The following MAST4 variants were observed in gnomAD, a reference collection of about 807,000 sequenced individuals.
MAST4 encodes the protein microtubule associated serine/threonine kinase family member 4, also known as microtubule-associated serine/threonine-protein kinase 4.
In MAST4, 89 loss-of-function variants were observed where a neutral mutation model predicts 162.7. The ratio of observed to expected loss-of-function variants is 0.55; its 90% CI spans 0.46 to 0.65. The LOEUF is 0.65. MAST4 is among the 30% of genes least tolerant of loss of function. The probability of loss-of-function intolerance (pLI) is 0.00; values close to 1 mark genes in which losing one functional copy is unlikely to be tolerated. For synonymous variants in MAST4, 1,479 were observed against 1,361.1 expected, an observed-to-expected ratio of 1.09 and a Z score of -1.91; for missense variants, 3,153 against 3,374.0, an observed-to-expected ratio of 0.93 and a Z score of 1.62.
chr5:66,961,108 C>G (rs1489237497), intron 4 of MAST4, among the ~76,000 whole-genome samples: 1 of 152,090 alleles, frequency 6.6e-6, no homozygotes, highest in Admixed American at 6.6e-5. Flanking sequence ...TTTTGTTTAC[C>G]TTGAAATGCA....
intron 4 of MAST4, among the ~76,000 whole-genome samples, chr5:66,960,448 T>G (rs1350598739): frequency 1.3e-5 from 2 of 152,138 alleles, no homozygotes; most frequent in African/African-American, 4.8e-5. Flanking sequence ...CGAATAGTAT[T>G]TACCCATTGC....
intron 2 of MAST4, among the ~76,000 whole-genome samples, chr5:66,769,057 G>A (rs1409264812): frequency 6.6e-6 from 1 of 152,108 alleles, no homozygotes; most frequent in Admixed American, 6.6e-5. Flanking sequence ...TATAAATGTA[G>A]TAGGATTTCT....
intron 1 of MAST4, among the ~76,000 whole-genome samples, chr5:66,709,746 ATAT>A (rs1404718628): frequency 3.3e-5 from 5 of 152,192 alleles, no homozygotes; most frequent in Admixed American, 2.0e-4. Flanking sequence ...TTTTGGTCAA[ATAT>A]TATAAAAAAT....
intron 1 of MAST4, among the ~76,000 whole-genome samples, chr5:66,630,710 A>C (rs972355777): frequency 4.6e-5 from 7 of 152,196 alleles, no homozygotes; most frequent in Non-Finnish European, 1.0e-4. Context: ...CTCTTTGAGA[A>C]AACATTATTT....
intron 1 of MAST4, among the ~76,000 whole-genome samples, chr5:66,733,180 A>G (rs530449476): frequency 1.1e-4 from 16 of 152,202 alleles, no homozygotes; most frequent in Non-Finnish European, 8.8e-5. Context: ...CATTACATGT[A>G]AGACTTTTCA....
At chr5:66,794,775 T>C (rs1216706318) in intron 3 of MAST4, among the ~76,000 whole-genome samples, 1 of 152,240 alleles carries the variant, frequency 6.6e-6, no homozygotes, top group African/African-American at 2.4e-5. Context: ...TATGTTTCTT[T>C]AGTGGCTGTC....
intron 3 of MAST4, among the ~76,000 whole-genome samples, chr5:66,846,805 AG>A (rs1298926279): frequency 1.3e-5 from 2 of 152,208 alleles, no homozygotes; most frequent in South Asian, 2.1e-4. Context: ...AAGACATCTA[AG>A]GGGCTCATGG....
intron 4 of MAST4, among the ~76,000 whole-genome samples, chr5:66,946,424 A>G (rs1363133922): frequency 2.6e-5 from 4 of 151,986 alleles, no homozygotes; most frequent in African/African-American, 9.7e-5. Context: ...GTTTCTTTTC[A>G]TTTACCGCCT....
chr5:67,056,862 A>AT (rs112396470), intron 5 of MAST4, among the ~76,000 whole-genome samples: 10,886 of 147,092 alleles, frequency 0.074, 903 homozygotes, highest in African/African-American at 0.2. Flanking sequence ...TGCCCAGCTA[A>AT]TTTTTTTTTT....
chr5:66,634,434 A>G (rs1580056797), intron 1 of MAST4, among the ~76,000 whole-genome samples: 1 of 152,198 alleles, frequency 6.6e-6, no homozygotes, highest in South Asian at 2.1e-4. Flanking sequence ...CCATGACCAC[A>G]CAGCCACAAG....
At chr5:66,760,077 C>CTATTTATTTATTTATT (rs1554049949) in intron 2 of MAST4, among the ~76,000 whole-genome samples, 1 of 147,174 alleles carries the variant, frequency 6.8e-6, no homozygotes, top group East Asian at 2.0e-4. Context: ...ACAATATCCC[C>CTATTTATTTATTTATT]TATTTATTTA....
chr5:66,795,833 A>G (rs1755620042), intron 3 of MAST4, among the ~76,000 whole-genome samples: 1 of 152,180 alleles, frequency 6.6e-6, no homozygotes, highest in Non-Finnish European at 1.5e-5. Flanking sequence ...ATTATTCCAC[A>G]GCTCAGAATT....
intron 4 of MAST4, among the ~76,000 whole-genome samples, chr5:67,035,642 G>T (rs152635): frequency 6.6e-6 from 1 of 151,794 alleles, no homozygotes; most frequent in African/African-American, 2.4e-5. Flanking sequence ...CCTTGATGCC[G>T]GTGGTGGGCA....
At chr5:67,080,079 G>A (rs1316476463) in intron 5 of MAST4, among the ~76,000 whole-genome samples, 1 of 152,202 alleles carries the variant, frequency 6.6e-6, no homozygotes, top group African/African-American at 2.4e-5. Context: ...AGTATTCTCA[G>A]AATACGAAGC....
At chr5:67,032,264 G>T (rs775363054) in intron 4 of MAST4, among the ~76,000 whole-genome samples, 4 of 152,168 alleles carry the variant, frequency 2.6e-5, no homozygotes, top group Non-Finnish European at 5.9e-5. Flanking sequence ...ATCTTTAGGA[G>T]AAACTGTAAA....
At chr5:66,820,704 T>C (rs774096542) in intron 3 of MAST4, among the ~76,000 whole-genome samples, 2 of 152,246 alleles carry the variant, frequency 1.3e-5, no homozygotes, top group Admixed American at 1.3e-4. Context: ...TTAGGGCATT[T>C]ATGAGGATAG....
intron 3 of MAST4, among the ~76,000 whole-genome samples, chr5:66,799,093 A>C (rs74588880): frequency 0.049 from 7,443 of 152,216 alleles, 269 homozygotes; most frequent in South Asian, 0.13. Flanking sequence ...GAGGTTTCTC[A>C]TCTTTATGTG....
chr5:66,974,711 C>A (rs1362110779), intron 4 of MAST4, among the ~76,000 whole-genome samples: 3 of 152,126 alleles, frequency 2.0e-5, no homozygotes, highest in Non-Finnish European at 4.4e-5. Context: ...CTAATGCTGG[C>A]CACTAAAAAT....
chr5:66,947,372 C>T (rs1356814748), intron 4 of MAST4, among the ~76,000 whole-genome samples: 1 of 152,106 alleles, frequency 6.6e-6, no homozygotes, highest in Admixed American at 6.5e-5. Context: ...CATCTCCCTA[C>T]AAAGAAAAAT....
Sources: allele counts gnomAD v4.1 joint callset (sites outside exome capture counted in the v4.1 genomes callset), GRCh38; gene constraint gnomAD v4.1.1; transcripts MANE v1.5; gene names NCBI Gene and HGNC (gene_info 2026-07-23, HGNC 2026-07-21).